CAMKMT: variants seen among roughly 807,000 people sequenced by gnomAD.
CAMKMT encodes the protein CaM KMT.
CAMKMT carries 53 observed loss-of-function variants against 48.0 expected under a neutral mutation model. The ratio of observed to expected loss-of-function variants is 1.10; its 90% CI spans 0.89 to 1.39. The LOEUF (loss-of-function observed/expected upper bound fraction) is 1.39, where lower values mean the gene tolerates loss of function less well. Among genes scored for constraint, CAMKMT ranks in the 40% most tolerant of loss-of-function variants. The pLI, the probability that CAMKMT is intolerant of heterozygous loss-of-function variation, is 0.00. For synonymous variants in CAMKMT, 165 were observed against 152.3 expected (o/e 1.08, Z -0.61); for missense variants, 428 against 402.7 (o/e 1.06, Z -0.54).
chr2:44,694,999 G>A (rs1310302709), intron 3 of CAMKMT, among the ~76,000 whole-genome samples: 1 of 152,208 alleles, frequency 6.6e-6, no homozygotes, highest in East Asian at 1.9e-4. Flanking sequence ...AACGTGTTTA[G>A]AGAATACTTT....
chr2:44,468,790 A>C (rs1668262459), intron 3 of CAMKMT, among the ~76,000 whole-genome samples: 1 of 152,126 alleles, frequency 6.6e-6, no homozygotes, highest in South Asian at 2.1e-4. Context: ...ATGGTGGTAC[A>C]TGCCTATAAT....
At chr2:44,530,591 G>A (rs1666430196) in intron 3 of CAMKMT, among the ~76,000 whole-genome samples, 2 of 151,944 alleles carry the variant, frequency 1.3e-5, no homozygotes, top group Admixed American at 6.6e-5. Flanking sequence ...TTTCCCAATC[G>A]GGTACTTTTA....
chr2:44,413,100 A>G (rs1349305633), intron 3 of CAMKMT, among the ~76,000 whole-genome samples: 1 of 151,746 alleles, frequency 6.6e-6, no homozygotes, highest in Non-Finnish European at 1.5e-5. Context: ...AAAATAAATT[A>G]AATAAATAAA....
rs545865742 is a variant in CAMKMT, at chr2:44,705,441, G to C, written c.438-846G>C. 5.4e-5 allele frequency: 53 copies of C among 985,340 alleles called. No individual in the cohort carries two copies. In the African/African-American group the frequency reaches 8.2e-4, roughly 15 times the overall value. 61.0% of individuals were successfully genotyped at this position (985,340 alleles called of 1,614,324 possible). A position where few individuals can be genotyped will look rare whatever the true frequency, so the allele number is the denominator to read the frequency against. ...TGGAAGTCTGGCATTTGTTCATCTC[G>C]CTGTGCTTAAGCTTGACTGGAGCTC... On this transcript the variant is annotated intron_variant, in intron 4 of 10. Coordinates refer to ENST00000378494, the MANE Select transcript of CAMKMT (RefSeq NM_024766.5).
chr2:44,662,136 C>T (rs1674710629), intron 3 of CAMKMT, among the ~76,000 whole-genome samples: 1 of 152,190 alleles, frequency 6.6e-6, no homozygotes, highest in African/African-American at 2.4e-5. Flanking sequence ...GAAGACAGTT[C>T]CCATGTTTTA....
intron 7 of CAMKMT, among the ~76,000 whole-genome samples, chr2:44,737,152 G>A (rs904033659): frequency 6.6e-5 from 10 of 152,174 alleles, no homozygotes; most frequent in African/African-American, 2.2e-4. Flanking sequence ...GTCTCACTCA[G>A]TCATGCAGGC....
intron 3 of CAMKMT, among the ~76,000 whole-genome samples, chr2:44,505,384 C>G (rs1670208569): frequency 6.6e-6 from 1 of 152,144 alleles, no homozygotes; most frequent in South Asian, 2.1e-4. Flanking sequence ...TGAGCAAAGG[C>G]TTTTAGTTTT....
At chr2:44,468,227 G>A (rs1668230792) in intron 3 of CAMKMT, among the ~76,000 whole-genome samples, 1 of 152,132 alleles carries the variant, frequency 6.6e-6, no homozygotes, top group Non-Finnish European at 1.5e-5. Context: ...TCATATTAAA[G>A]GCCAACAAGT....
In CAMKMT at chr2:44,721,461, T is replaced by G. The variant is rs1405864081; in HGVS notation, c.623+6108T>G. ...ACATCCCTGCATTTCTAGTAGTTACTTATTCACAGTGTCTTAATTCTTCTT... is the reference window on the plus strand; with the variant it reads ...ACATCCCTGCATTTCTAGTAGTTACGTATTCACAGTGTCTTAATTCTTCTT... On this transcript the variant is annotated intron_variant, in intron 7 of 10. Coordinates refer to ENST00000378494, the MANE Select transcript of CAMKMT (RefSeq NM_024766.5). Among the ~76,000 whole-genome samples, 4 of 152,330 alleles carry G rather than the reference T, an allele frequency of 2.6e-5. No homozygotes were observed. The South Asian group carries it at 6.2e-4, about 24-fold the overall frequency.
intron 3 of CAMKMT, among the ~76,000 whole-genome samples, chr2:44,489,454 C>G (rs1165728653): frequency 6.6e-6 from 1 of 152,066 alleles, no homozygotes; most frequent in Non-Finnish European, 1.5e-5. Context: ...CCATGTTGGT[C>G]AGGCTGGTCT....
At chr2:44,586,902 G>A (rs1402636206) in intron 3 of CAMKMT, among the ~76,000 whole-genome samples, 1 of 152,158 alleles carries the variant, frequency 6.6e-6, no homozygotes, top group East Asian at 1.9e-4. Context: ...TTTCCAGAGG[G>A]GTGGTTCTAT....
intron 3 of CAMKMT, among the ~76,000 whole-genome samples, chr2:44,620,461 A>G (rs553257601): frequency 9.9e-4 from 151 of 152,340 alleles, no homozygotes; most frequent in Admixed American, 3.7e-3. Flanking sequence ...CTATTGAAGA[A>G]AAATGCATAA....
intron 2 of CAMKMT, among the ~76,000 whole-genome samples, chr2:44,376,361 C>T (rs1679692295): frequency 6.7e-6 from 1 of 149,548 alleles, no homozygotes. Flanking sequence ...GTGGAGGTTG[C>T]AGTCAGATGA....
chr2:44,543,950 A>C (rs971840231), intron 3 of CAMKMT, among the ~76,000 whole-genome samples: 6 of 152,158 alleles, frequency 3.9e-5, no homozygotes, highest in African/African-American at 1.4e-4. Flanking sequence ...TTCAGAAGGT[A>C]GCAAATATTG....
At chr2:44,650,512 C>G (rs1057053152) in intron 3 of CAMKMT, among the ~76,000 whole-genome samples, 2 of 152,102 alleles carry the variant, frequency 1.3e-5, no homozygotes, top group Non-Finnish European at 2.9e-5. Flanking sequence ...GCTCTATTTC[C>G]AAGTGACGTT....
At chr2:44,674,535 A>G (rs1675557320) in intron 3 of CAMKMT, among the ~76,000 whole-genome samples, 1 of 152,196 alleles carries the variant, frequency 6.6e-6, no homozygotes, top group African/African-American at 2.4e-5. Context: ...ACACTCAGTA[A>G]CACCTGGAAA....
chr2:44,540,059 A>T (rs1005153997), intron 3 of CAMKMT, among the ~76,000 whole-genome samples: 1 of 152,162 alleles, frequency 6.6e-6, no homozygotes, highest in Admixed American at 6.5e-5. Flanking sequence ...CAAATCAATT[A>T]TTAATATAAT....
At chr2:44,504,701 A>T (rs1670172199) in intron 3 of CAMKMT, among the ~76,000 whole-genome samples, 1 of 151,966 alleles carries the variant, frequency 6.6e-6, no homozygotes, top group South Asian at 2.1e-4. Context: ...TTTAATTTGC[A>T]TTTCCTTAAT....
intron 3 of CAMKMT, among the ~76,000 whole-genome samples, chr2:44,413,481 G>A (rs1404064683): frequency 1.3e-5 from 2 of 151,860 alleles, no homozygotes; most frequent in Non-Finnish European, 2.9e-5. Context: ...GTGAAACCCC[G>A]TGTCTACTAA....
Sources: gnomAD v4.1 joint callset for allele counts (sites outside exome capture counted in the v4.1 genomes callset) on GRCh38, gnomAD v4.1.1 for gene constraint, MANE v1.5 for transcripts, NCBI Gene and HGNC (gene_info 2026-07-23, HGNC 2026-07-21) for gene names.